The following SUCLG1 variants were observed in gnomAD, a reference collection of about 807,000 sequenced individuals.
The protein encoded by SUCLG1 is succinate--CoA ligase [ADP/GDP-forming] subunit alpha, mitochondrial.
SUCLG1 carries 26 observed loss-of-function variants against 37.3 expected under a neutral mutation model. That is an observed-to-expected ratio of 0.70 (90% CI 0.51 to 0.97). SUCLG1 has a LOEUF of 0.97. SUCLG1 is among the 50% of genes least tolerant of loss of function. The probability of loss-of-function intolerance (pLI) is 0.00; values close to 1 mark genes in which losing one functional copy is unlikely to be tolerated. For synonymous variants in SUCLG1, 163 were observed against 155.6 expected, an observed-to-expected ratio of 1.05 and a Z score of -0.36; for missense variants, 433 against 432.9, an observed-to-expected ratio of 1.00 and a Z score of 0.00.
At chr2:84,449,813 T>C (rs1388779475) in intron 1 of SUCLG1, 61 bp from the exon 2 acceptor site, 1 of 1,331,058 alleles carries the variant, frequency 7.5e-7, no homozygotes, top group South Asian at 1.3e-5. Context: ...TTCTAAACTT[T>C]TGAACAATAA....
At chr2:84,435,430 T>C (rs964309683) in intron 5 of SUCLG1, among the ~76,000 whole-genome samples, 4 of 152,224 alleles carry the variant, frequency 2.6e-5, no homozygotes, top group Non-Finnish European at 4.4e-5. Context: ...AACAACGTCA[T>C]TCATTGAATG....
chr2:84,453,845 T>C (rs936753565), intron 1 of SUCLG1, among the ~76,000 whole-genome samples: 8 of 152,380 alleles, frequency 5.3e-5, no homozygotes, highest in South Asian at 4.1e-4. Flanking sequence ...TTCTTAGAAA[T>C]TGTCCAGCTT....
At position 84,433,379 on chromosome 2, in the gene SUCLG1, C is replaced by A. The variant is rs1163709970; in HGVS notation, c.646G>T (p.Val216Phe). The A allele has an allele frequency of 6.2e-7, 1 of 1,613,986 alleles. No individual in the cohort carries two copies. The highest frequency in any genetic ancestry group is 8.5e-7 in the Non-Finnish European group (1 of 1,179,892). ...TYEAVHQTTQ[V>F]GLGQSLCVGI... ...ACGCACAAAGACTGCCCCAATCCAA[C>A]TTGCGTTGTTTGGTGAACTGCTTCA... The change falls in exon 6 of 9, where the codon GTT (valine) becomes TTT (phenylalanine). Residue 216 changes from valine to phenylalanine, a missense_variant. Physicochemically the swap from Val to Phe is conservative, Grantham distance 50. Transcript: ENST00000393868.
intron 4 of SUCLG1, 23 bp downstream of exon 4, chr2:84,441,224 T>A (rs755842451): frequency 6.2e-7 from 1 of 1,614,014 alleles, no homozygotes; most frequent in Non-Finnish European, 8.5e-7. Context: ...AATCTGAGTT[T>A]CTTTTTGTTT....
At chr2:84,436,654 T>G (rs878870532) in intron 5 of SUCLG1, among the ~76,000 whole-genome samples, 1 of 152,246 alleles carries the variant, frequency 6.6e-6, no homozygotes, top group African/African-American at 2.4e-5. Context: ...CTTGGCAAAA[T>G]AAATTCATAG....
At chr2:84,438,633 T>C (rs1672723849) in intron 5 of SUCLG1, among the ~76,000 whole-genome samples, 1 of 151,766 alleles carries the variant, frequency 6.6e-6, no homozygotes, top group South Asian at 2.1e-4. Context: ...ATAGGAAGAG[T>C]TGGCACAAAT....
intron 5 of SUCLG1, among the ~76,000 whole-genome samples, chr2:84,435,787 T>C (rs796783995): frequency 3.9e-5 from 6 of 152,114 alleles, no homozygotes; most frequent in African/African-American, 1.4e-4. Flanking sequence ...ATAAAGAGGG[T>C]CCCCCAGCAT....
At chr2:84,447,619 T>G (rs1672869656) in intron 2 of SUCLG1, among the ~76,000 whole-genome samples, 1 of 152,200 alleles carries the variant, frequency 6.6e-6, no homozygotes, top group African/African-American at 2.4e-5. Flanking sequence ...AGGCTGGATA[T>G]AACATCAACT....
At chr2:84,451,988 G>T (rs553999513) in intron 1 of SUCLG1, among the ~76,000 whole-genome samples, 1 of 152,264 alleles carries the variant, frequency 6.6e-6, no homozygotes, top group East Asian at 1.9e-4. Context: ...TGCCAGACAA[G>T]GTTATCATCT....
chr2:84,427,509 TAAC>T (rs1450561168), intron 7 of SUCLG1, among the ~76,000 whole-genome samples: 2 of 152,250 alleles, frequency 1.3e-5, no homozygotes, highest in Non-Finnish European at 2.9e-5. Context: ...CATCATTTAA[TAAC>T]AACAAATCAG....
chr2:84,447,035 T>C (rs890301287), intron 2 of SUCLG1, among the ~76,000 whole-genome samples: 1 of 152,192 alleles, frequency 6.6e-6, no homozygotes, highest in Non-Finnish European at 1.5e-5. Context: ...AGTACAATGT[T>C]AGGAACAGTA....
chr2:84,436,805 C>G (rs2104248909), intron 5 of SUCLG1, among the ~76,000 whole-genome samples: 1 of 152,266 alleles, frequency 6.6e-6, no homozygotes, highest in Admixed American at 6.5e-5. Context: ...ACCTTCTTCA[C>G]TAGACTATAA....
In SUCLG1 at chr2:84,441,453, C is replaced by T. The variant is rs978767143; in HGVS notation, c.325G>A (p.Glu109Lys). Reference protein sequence around the residue: ...PVFNTVKEAKEQTGATASVIY... With the variant: ...PVFNTVKEAKKQTGATASVIY... ...ACAGAAGCCGTTGCTCCTGTCTGTT[C>T]TTTGGCCTGAAACATTAACGACGAA... Residue 109 changes from glutamate (E) to lysine (K), a missense_variant, in exon 4 of 9, where the codon GAA becomes AAA. Coordinates refer to ENST00000393868, the MANE Select transcript of SUCLG1 (RefSeq NM_003849.4). 5.0e-6 allele frequency: 8 copies of T among 1,613,912 alleles called. No individual in the cohort carries two copies. The African/African-American group carries it at 6.7e-5, about 13-fold the overall frequency.
intron 3 of SUCLG1, among the ~76,000 whole-genome samples, chr2:84,443,046 G>C (rs1672798304): frequency 6.6e-6 from 1 of 152,194 alleles, no homozygotes; most frequent in Non-Finnish European, 1.5e-5. Context: ...GAAAGGTAAG[G>C]AAAGCGTAAA....
At chr2:84,429,360 A>AC (rs1672582437) in intron 7 of SUCLG1, among the ~76,000 whole-genome samples, 1 of 152,072 alleles carries the variant, frequency 6.6e-6, no homozygotes, top group Non-Finnish European at 1.5e-5. Context: ...ATTAACCGAA[A>AC]CTTTTTTTTT....
chr2:84,443,322 T>C lies in SUCLG1; in HGVS notation c.280A>G (p.Thr94Ala). Residue 94 changes from threonine (T) to alanine (A), a missense_variant, in exon 3 of 9, where the codon ACA (threonine) becomes GCA (alanine). Coordinates refer to ENST00000393868, the MANE Select transcript of SUCLG1 (RefSeq NM_003849.4). Reference protein sequence around the residue: ...GGTTPGKGGQTHLGLPVFNTV... With the variant: ...GGTTPGKGGQAHLGLPVFNTV... ...TTAAAGACAGGTAAGCCCAGATGTG[T>C]CTGGCCTCCTTTCCCTGGAGTGGTT... 2.5e-6 allele frequency: 4 copies of C among 1,614,188 alleles called. No homozygotes were observed. Among genetic ancestry groups the C allele is most frequent in the Non-Finnish European group, 3.4e-6 (4 of 1,180,018 alleles).
At chr2:84,426,819 C>T (rs1672542229) in intron 7 of SUCLG1, 1 of 152,122 alleles carries the variant, frequency 6.6e-6, no homozygotes, top group Admixed American at 6.5e-5. Flanking sequence ...CAAGTGGAAC[C>T]TGAGAGCTTT....
Position 84,449,653 on chromosome 2 carries a change from T to C in SUCLG1, c.197A>G (p.Lys66Arg). 1 of 1,594,060 alleles carries C rather than the reference T, an allele frequency of 6.3e-7. No homozygotes were observed. The highest frequency in any genetic ancestry group is 1.3e-5 in the African/African-American group (1 of 74,214). The part of the protein sequence containing the change: ...TKIICQGFTG[K>R]QGTFHSQQAL... ...TAAAAATCTAGATATACATACCTGT[T>C]TGCCAGTGAAACCCTGGCAAATAAT... Residue 66 changes from lysine to arginine, a missense_variant, in exon 2 of 9, where the codon AAA becomes AGA. Coordinates refer to ENST00000393868, the MANE Select transcript of SUCLG1 (RefSeq NM_003849.4).
chr2:84,449,046 T>C, intron 2 of SUCLG1: 1 of 260,020 alleles, frequency 3.8e-6, no homozygotes, highest in South Asian at 4.1e-5. Flanking sequence ...TTACACAAAA[T>C]CTATGAAAAG....
Sources: gnomAD v4.1 joint callset for allele counts (sites outside exome capture counted in the v4.1 genomes callset) on GRCh38, gnomAD v4.1.1 for gene constraint, MANE v1.5 for transcripts, NCBI Gene and HGNC (gene_info 2026-07-23, HGNC 2026-07-21) for gene names.